The following SYN3 variants were observed in gnomAD, a reference collection of about 807,000 sequenced individuals.
The protein encoded by SYN3 is synapsin III.
SYN3 carries 35 observed loss-of-function variants against 65.8 expected under a neutral mutation model. The observed-to-expected ratio is 0.53, with a 90% CI of 0.41 to 0.70. SYN3 has a LOEUF of 0.70. Ranked by LOEUF, SYN3 falls within the 30% of genes least tolerant of loss-of-function variation. SYN3 has a pLI of 0.00. For missense variants in SYN3, 680 were observed against 749.0 expected, an observed-to-expected ratio of 0.91 and a Z score of 1.08; for synonymous variants, 270 against 292.9, an observed-to-expected ratio of 0.92 and a Z score of 0.80.
In SYN3 at chr22:32,906,351, T is replaced by C. The variant is rs909621073; in HGVS notation, c.461+25039A>G. On this transcript the variant is annotated intron_variant, in intron 4 of 13. Coordinates refer to ENST00000358763, the MANE Select transcript of SYN3 (RefSeq NM_003490.4). The stretch of plus-strand genomic sequence containing the variant: ...CATTTAGCCAAGCTCATCAGATAGT[T>C]CTAATGCTCACCAGGATTTAAAAAT... 3.3e-5 allele frequency among the ~76,000 whole-genome samples: 5 copies of C among 152,250 alleles called. No individual in the cohort carries two copies. The East Asian group carries it at 9.6e-4, about 29-fold the overall frequency.
chr22:32,804,781 C>A (rs1057491948), intron 6 of SYN3, among the ~76,000 whole-genome samples: 1 of 152,154 alleles, frequency 6.6e-6, no homozygotes, highest in East Asian at 1.9e-4. Context: ...AACTACATGC[C>A]GGCTTATAAG....
At chr22:32,577,132 ATT>A (rs1358220922) in intron 7 of SYN3, among the ~76,000 whole-genome samples, 1 of 152,116 alleles carries the variant, frequency 6.6e-6, no homozygotes, top group Admixed American at 6.5e-5. Flanking sequence ...CAGAAGTGGA[ATT>A]TACAAGCTTC....
At chr22:33,020,643 G>T (rs2053544589) in intron 1 of SYN3, among the ~76,000 whole-genome samples, 1 of 152,038 alleles carries the variant, frequency 6.6e-6, no homozygotes, top group Non-Finnish European at 1.5e-5. Context: ...TGCAAGATTG[G>T]GTCATACAAA....
intron 6 of SYN3, among the ~76,000 whole-genome samples, chr22:32,815,591 C>A (rs941123373): frequency 2.6e-5 from 4 of 152,160 alleles, no homozygotes; most frequent in African/African-American, 9.7e-5. Context: ...AAAGCAGCTA[C>A]TATTTGTTGA....
At chr22:32,747,143 G>A (rs142775322) in intron 6 of SYN3, among the ~76,000 whole-genome samples, 290 of 152,222 alleles carry the variant, frequency 1.9e-3, no homozygotes, top group African/African-American at 6.5e-3. Flanking sequence ...AGCCTCATGC[G>A]AATCCCAGGG....
intron 6 of SYN3, among the ~76,000 whole-genome samples, chr22:32,807,299 T>TATATATAAATATATA (rs1208468158): frequency 7.8e-6 from 1 of 129,004 alleles, no homozygotes; most frequent in African/African-American, 2.9e-5. Context: ...GGAGGATATA[T>TATATATAAATATATA]ATATATAAAT....
intron 6 of SYN3, among the ~76,000 whole-genome samples, chr22:32,752,142 C>G (rs779513003): frequency 2.6e-5 from 4 of 152,132 alleles, no homozygotes; most frequent in Non-Finnish European, 4.4e-5. Flanking sequence ...CTACGAGTCC[C>G]CTAGGCATTG....
intron 6 of SYN3, among the ~76,000 whole-genome samples, chr22:32,757,966 TGACCAG>T (rs1190470291): frequency 6.6e-6 from 1 of 152,248 alleles, no homozygotes; most frequent in African/African-American, 2.4e-5. Context: ...TATGACCATG[TGACCAG>T]CTGCAGAAAC....
chr22:32,722,287 G>A (rs1160295275), intron 6 of SYN3, among the ~76,000 whole-genome samples: 1 of 152,156 alleles, frequency 6.6e-6, no homozygotes, highest in Admixed American at 6.5e-5. Context: ...AACAACGATG[G>A]TGGCTACCAG....
rs116672095 is a variant in SYN3, at chr22:32,895,755, T to C, written c.462-26630A>G. On this transcript the variant is annotated intron_variant, in intron 4 of 13. Transcript: ENST00000358763. The stretch of plus-strand genomic sequence containing the variant: ...TGGCCTTAAATGAAACCGACAAACA[T>C]TTCCAAGTGTCTCTTAGATGCACGG... Among the ~76,000 whole-genome samples, 1,075 of 152,166 alleles carry C rather than the reference T, an allele frequency of 7.1e-3. 13 individuals carry two copies. The highest frequency in any genetic ancestry group is 0.024 in the African/African-American group (1,003 of 41,508).
chr22:32,699,870 A>G (rs951846109), intron 6 of SYN3, among the ~76,000 whole-genome samples: 5 of 152,186 alleles, frequency 3.3e-5, no homozygotes, highest in African/African-American at 1.2e-4. Flanking sequence ...GGCAAGGTCT[A>G]TGACTCATAC....
chr22:32,981,796 T>C (rs77323557), intron 2 of SYN3, among the ~76,000 whole-genome samples: 2,777 of 152,254 alleles, frequency 0.018, 84 homozygotes, highest in African/African-American at 0.063. Flanking sequence ...TTTAAAAGAA[T>C]TAAAGGATGT....
At chr22:32,603,308 G>A (rs1023497027) in intron 6 of SYN3, among the ~76,000 whole-genome samples, 1 of 150,014 alleles carries the variant, frequency 6.7e-6, no homozygotes. Flanking sequence ...GTCAGGAGAT[G>A]GAGACCATCC....
At position 32,931,390 on chromosome 22, in the gene SYN3, C is replaced by T. The variant is rs1202463483; in HGVS notation, c.461G>A (p.Ser154Asn). ...QVVRNGTKVV[S>N]RSFKPDFILV... ...TTCTGCATATTTTAATCCTACTTAC[C>T]TCACCACTTTGGTCCCATTTCTCAC... Residue 154 changes from serine to asparagine, a missense_variant and splice_region_variant, in exon 4 of 14, where the codon AGC becomes AAC. Coordinates refer to ENST00000358763, the MANE Select transcript of SYN3 (RefSeq NM_003490.4). 5 of 1,607,346 alleles carry T rather than the reference C, an allele frequency of 3.1e-6. No individual in the cohort carries two copies. The highest frequency in any genetic ancestry group is 4.3e-6 in the Non-Finnish European group (5 of 1,174,038).
intron 3 of SYN3, among the ~76,000 whole-genome samples, chr22:32,958,688 G>A (rs890963660): frequency 3.3e-5 from 5 of 152,176 alleles, no homozygotes; most frequent in Non-Finnish European, 7.4e-5. Flanking sequence ...TGGTGAGACA[G>A]GCCTTATTAT....
intron 4 of SYN3, among the ~76,000 whole-genome samples, chr22:32,892,358 T>C (rs2049473873): frequency 6.6e-6 from 1 of 152,122 alleles, no homozygotes; most frequent in African/African-American, 2.4e-5. Context: ...ATTCAACAAA[T>C]ACACGCTCTG....
At chr22:32,620,135 A>G (rs2059574202) in intron 6 of SYN3, among the ~76,000 whole-genome samples, 1 of 152,216 alleles carries the variant, frequency 6.6e-6, no homozygotes, top group South Asian at 2.1e-4. Context: ...GTTACACACC[A>G]ATAGCTAACC....
chr22:32,598,182 C>T (rs1197905415), intron 6 of SYN3, among the ~76,000 whole-genome samples: 3 of 152,128 alleles, frequency 2.0e-5, no homozygotes, highest in East Asian at 3.9e-4. Context: ...ACCGAAGGAA[C>T]GCAGCCTTGC....
chr22:32,987,901 A>C (rs1004278345), intron 2 of SYN3, among the ~76,000 whole-genome samples: 1 of 152,196 alleles, frequency 6.6e-6, no homozygotes, highest in African/African-American at 2.4e-5. Context: ...AAAATAAATA[A>C]ATAAACAGAT....
Sources: allele counts gnomAD v4.1 joint callset (sites outside exome capture counted in the v4.1 genomes callset), GRCh38; gene constraint gnomAD v4.1.1; transcripts MANE v1.5; gene names NCBI Gene and HGNC (gene_info 2026-07-23, HGNC 2026-07-21).